Variants in NXPH1 observed in about 807,000 individuals in gnomAD.
The protein encoded by NXPH1 is neurexophilin 1.
A neutral mutation model predicts 23.7 loss-of-function variants in NXPH1; 5 were observed. The ratio of observed to expected loss-of-function variants is 0.21; its 90% confidence interval spans 0.11 to 0.44. NXPH1 has a LOEUF of 0.44. Among genes scored for constraint, NXPH1 ranks in the 20% least tolerant of loss-of-function variants. NXPH1 has a pLI of 0.99. For synonymous variants in NXPH1, 144 were observed against 122.2 expected, an observed-to-expected ratio of 1.18 and a Z score of -1.18; for missense variants, 324 against 321.6, an observed-to-expected ratio of 1.01 and a Z score of -0.06.
At position 8,566,771 on chromosome 7, in the gene NXPH1, C is replaced by G. The variant is rs909711289; in HGVS notation, c.54+131004C>G. Among the ~76,000 whole-genome samples, 13 of 151,952 alleles carry G rather than the reference C, an allele frequency of 8.6e-5. No homozygotes were observed. In the South Asian group the frequency reaches 2.7e-3, roughly 32 times the overall value. On this transcript the variant is annotated intron_variant, in intron 2 of 2. Coordinates refer to ENST00000405863, the MANE Select transcript of NXPH1 (RefSeq NM_152745.3). ...GCTACCAGTATCACAGAGTCTCCAG[C>G]TTACAGGTGGCCTGGGTCTTGGGAC...
chr7:8,637,452 TG>T (rs1820236705), intron 2 of NXPH1, among the ~76,000 whole-genome samples: 1 of 152,096 alleles, frequency 6.6e-6, no homozygotes, highest in South Asian at 2.1e-4. Context: ...CTTGAATTCC[TG>T]GGCTCAAGCA....
At chr7:8,609,571 T>C (rs966400757) in intron 2 of NXPH1, among the ~76,000 whole-genome samples, 2 of 152,192 alleles carry the variant, frequency 1.3e-5, no homozygotes, top group African/African-American at 4.8e-5. Context: ...AAGATATTTC[T>C]TGGTACAAAG....
chr7:8,722,499 A>G (rs1310947488), intron 2 of NXPH1, among the ~76,000 whole-genome samples: 1 of 152,220 alleles, frequency 6.6e-6, no homozygotes, highest in Non-Finnish European at 1.5e-5. Flanking sequence ...GTTTGTGTCC[A>G]AAGTCAACCC....
At chr7:8,699,234 ATCTTC>A (rs1319002490) in intron 2 of NXPH1, among the ~76,000 whole-genome samples, 3 of 152,096 alleles carry the variant, frequency 2.0e-5, no homozygotes, top group African/African-American at 7.2e-5. Flanking sequence ...GTTTCTAATT[ATCTTC>A]TCTTATCACA....
At chr7:8,519,354 A>G (rs191158463) in intron 2 of NXPH1, among the ~76,000 whole-genome samples, 1 of 152,194 alleles carries the variant, frequency 6.6e-6, no homozygotes, top group Non-Finnish European at 1.5e-5. Flanking sequence ...ACTGAGTAAT[A>G]TATATTCTGC....
intron 2 of NXPH1, among the ~76,000 whole-genome samples, chr7:8,465,015 G>A (rs1404749888): frequency 1.3e-5 from 2 of 152,170 alleles, no homozygotes; most frequent in Non-Finnish European, 2.9e-5. Context: ...ATCCAGATGG[G>A]AGAGAAGGAG....
At chr7:8,448,706 T>G (rs918824715) in intron 2 of NXPH1, among the ~76,000 whole-genome samples, 1 of 151,564 alleles carries the variant, frequency 6.6e-6, no homozygotes, top group Non-Finnish European at 1.5e-5. Flanking sequence ...AGTCCCAGCT[T>G]TGGGAGGCTG....
chr7:8,565,635 A>G (rs1818530372), intron 2 of NXPH1, among the ~76,000 whole-genome samples: 1 of 151,878 alleles, frequency 6.6e-6, no homozygotes, highest in Admixed American at 6.6e-5. Context: ...GCAACAAAAT[A>G]TTGAAATATT....
At chr7:8,532,606 C>CA (rs1438013709) in intron 2 of NXPH1, among the ~76,000 whole-genome samples, 1 of 151,878 alleles carries the variant, frequency 6.6e-6, no homozygotes, top group Non-Finnish European at 1.5e-5. Context: ...CACTCAGGAG[C>CA]AAAAATCCAT....
chr7:8,492,385 T>G (rs1306401288), intron 2 of NXPH1, among the ~76,000 whole-genome samples: 1 of 152,022 alleles, frequency 6.6e-6, no homozygotes, highest in Non-Finnish European at 1.5e-5. Flanking sequence ...GCTGTGTGAT[T>G]GTAGGTGCAC....
At chr7:8,733,538 A>G (rs955888400) in intron 2 of NXPH1, among the ~76,000 whole-genome samples, 6 of 152,136 alleles carry the variant, frequency 3.9e-5, no homozygotes, top group African/African-American at 1.4e-4. Flanking sequence ...CTTCTCCAGC[A>G]TTTGTTGTTT....
chr7:8,443,120 C>A (rs932815123), intron 2 of NXPH1, among the ~76,000 whole-genome samples: 2 of 152,218 alleles, frequency 1.3e-5, no homozygotes, highest in African/African-American at 2.4e-5. Context: ...CCGCTCGCGA[C>A]TGTGACGACC....
intron 2 of NXPH1, among the ~76,000 whole-genome samples, chr7:8,581,084 A>G (rs1818860125): frequency 1.3e-5 from 2 of 152,194 alleles, no homozygotes. Context: ...CATTCTAGAA[A>G]TCTTTGGTCT....
intron 2 of NXPH1, among the ~76,000 whole-genome samples, chr7:8,685,150 A>C (rs1266022801): frequency 6.6e-6 from 1 of 152,052 alleles, no homozygotes; most frequent in African/African-American, 2.4e-5. Flanking sequence ...TGCTCCTTTA[A>C]ATTAATTCAC....
At chr7:8,453,193 G>A (rs1402716278) in intron 2 of NXPH1, among the ~76,000 whole-genome samples, 1 of 152,008 alleles carries the variant, frequency 6.6e-6, no homozygotes. Flanking sequence ...AGAAATACTT[G>A]TATTTGTATT....
intron 2 of NXPH1, among the ~76,000 whole-genome samples, chr7:8,521,588 A>C (rs12216689): frequency 0.35 from 52,920 of 151,932 alleles, 9,555 homozygotes; most frequent in African/African-American, 0.41. Flanking sequence ...TAGTTGTTGA[A>C]TGATGGAGAG....
At chr7:8,735,462 C>G (rs1780232878) in intron 2 of NXPH1, among the ~76,000 whole-genome samples, 1 of 152,164 alleles carries the variant, frequency 6.6e-6, no homozygotes, top group Non-Finnish European at 1.5e-5. Context: ...TATGTTGAAC[C>G]AGCCTTGCAT....
chr7:8,680,014 A>C (rs1821026818), intron 2 of NXPH1, among the ~76,000 whole-genome samples: 1 of 152,218 alleles, frequency 6.6e-6, no homozygotes, highest in Non-Finnish European at 1.5e-5. Flanking sequence ...GAGCGAGACT[A>C]CGTCTCAAAA....
At chr7:8,577,111 T>A (rs369295933) in intron 2 of NXPH1, among the ~76,000 whole-genome samples, 11 of 152,166 alleles carry the variant, frequency 7.2e-5, no homozygotes, top group Admixed American at 5.9e-4. Flanking sequence ...TTCTAAAAGC[T>A]CAAATCCTCC....
Sources: gnomAD v4.1 joint callset for allele counts (sites outside exome capture counted in the v4.1 genomes callset) on GRCh38, gnomAD v4.1.1 for gene constraint, MANE v1.5 for transcripts, NCBI Gene and HGNC (gene_info 2026-07-23, HGNC 2026-07-21) for gene names.